LYAR: variants seen among roughly 807,000 people sequenced by gnomAD.
LYAR encodes the protein cell growth-regulating nucleolar protein.
A neutral mutation model predicts 45.2 loss-of-function variants in LYAR; 37 were observed. The observed-to-expected ratio is 0.82, with a 90% CI of 0.63 to 1.08. The LOEUF (loss-of-function observed/expected upper bound fraction) is 1.08. Ranked by LOEUF, LYAR falls within the 50% of genes least tolerant of loss-of-function variation. LYAR has a pLI of 0.00. For synonymous variants in LYAR, 176 were observed against 155.1 expected (o/e 1.14, Z -1.00); for missense variants, 493 against 451.0 (o/e 1.09, Z -0.84).
At chr4:4,287,456 T>C (rs1719661864) in intron 1 of LYAR, among the ~76,000 whole-genome samples, 1 of 152,144 alleles carries the variant, frequency 6.6e-6, no homozygotes, top group African/African-American at 2.4e-5. Flanking sequence ...TGAGCTCTCA[T>C]CACATGCCAT....
At chr4:4,273,525 A>C in intron 8 of LYAR, 58 bp downstream of exon 8, 1 of 1,258,956 alleles carries the variant, frequency 7.9e-7, no homozygotes, top group Admixed American at 1.8e-5. Context: ...AGTAGCTGGG[A>C]CTATCAGCGA....
At chr4:4,268,991 A>G (rs902454693) in intron 8 of LYAR, 1 of 165,382 alleles carries the variant, frequency 6.0e-6, no homozygotes, top group South Asian at 1.8e-4. Context: ...GACAACCACA[A>G]ACTATTATAG....
intron 8 of LYAR, among the ~76,000 whole-genome samples, chr4:4,271,992 A>G (rs895300224): frequency 2.6e-5 from 4 of 152,180 alleles, no homozygotes; most frequent in African/African-American, 9.7e-5. Flanking sequence ...AAAAGGTTAC[A>G]TACTGTATGA....
At chr4:4,284,134 G>C (rs1302788043) in intron 2 of LYAR, among the ~76,000 whole-genome samples, 1 of 152,194 alleles carries the variant, frequency 6.6e-6, no homozygotes, top group Non-Finnish European at 1.5e-5. Flanking sequence ...ACTTGCCCAA[G>C]GATACACGGT....
In LYAR at chr4:4,288,475, C is replaced by A. The variant is rs116292576; in HGVS notation, c.-108+1561G>T. ...CCTCTATATTTTTGTATTACTTATT[C>A]AATTTTTTTTCTTTTTTTTTTTTTT... On this transcript the variant is annotated intron_variant, in intron 1 of 9. Transcript: ENST00000343470. Among the ~76,000 whole-genome samples the A allele has an allele frequency of 4.6e-3, 675 of 147,196 alleles. 6 individuals carry two copies. Among genetic ancestry groups the A allele is most frequent in the African/African-American group, 0.016 (649 of 39,718 alleles).
intron 8 of LYAR, among the ~76,000 whole-genome samples, chr4:4,271,812 A>G (rs1182231338): frequency 6.6e-6 from 1 of 152,228 alleles, no homozygotes; most frequent in Non-Finnish European, 1.5e-5. Context: ...AGCTTTATTC[A>G]TTAATAACCA....
chr4:4,282,334 T>C (rs987365523), intron 3 of LYAR, among the ~76,000 whole-genome samples: 3 of 152,212 alleles, frequency 2.0e-5, no homozygotes, highest in Admixed American at 6.5e-5. Flanking sequence ...CCAACAGTTC[T>C]GGATCCCTTA....
intron 6 of LYAR, among the ~76,000 whole-genome samples, chr4:4,275,786 C>T (rs1719155537): frequency 6.6e-6 from 1 of 152,138 alleles, no homozygotes; most frequent in Non-Finnish European, 1.5e-5. Flanking sequence ...ACCTCCACCT[C>T]CCAGATTCAA....
chr4:4,268,118 AT>A (rs1483297407), intron 9 of LYAR, 95 bp from the exon 10 acceptor site: 3 of 1,221,142 alleles, frequency 2.5e-6, no homozygotes, highest in Non-Finnish European at 3.2e-6. Flanking sequence ...ACAGGAAAAA[AT>A]AAAAGAAACC....
At position 4,267,703 on chromosome 4, in the gene LYAR, T is replaced by C. The variant is rs1718768772; in HGVS notation, c.*186A>G. The C allele has an allele frequency of 4.3e-6, 2 of 470,332 alleles. No homozygotes were observed. The highest frequency in any genetic ancestry group is 4.1e-5 in the Admixed American group (1 of 24,114). 29.1% of individuals were successfully genotyped at this position (470,332 alleles called of 1,614,324 possible). ...TCAGTAATTTTTGCCACAACAAATTTAGAAGTTTGGACCAGAATATATTTT... is the reference window on the plus strand; with the variant it reads ...TCAGTAATTTTTGCCACAACAAATTCAGAAGTTTGGACCAGAATATATTTT... On this transcript the variant is annotated 3_prime_UTR_variant, in exon 10 of 10. Coordinates refer to ENST00000343470, the MANE Select transcript of LYAR (RefSeq NM_017816.3).
intron 2 of LYAR, 72 bp from the exon 3 acceptor site, chr4:4,283,867 T>C: frequency 1.6e-6 from 1 of 631,114 alleles, no homozygotes; most frequent in Non-Finnish European, 2.6e-6. Context: ...TGCCCCTAAC[T>C]TTTCAACCAT....
Position 4,267,822 on chromosome 4 carries a change from C to A in LYAR, c.*67G>T. The A allele has an allele frequency of 7.6e-7, 1 of 1,310,604 alleles. No individual in the cohort carries two copies. Among genetic ancestry groups the A allele is most frequent in the African/African-American group, 1.5e-5 (1 of 66,262 alleles). 81.2% of individuals were successfully genotyped at this position (1,310,604 alleles called of 1,614,324 possible). ...ATTTGAGTTGTTAGAATTCATTACACATTTTATAAACAGCAGTGAAAGGAA... is the reference window on the plus strand; with the variant it reads ...ATTTGAGTTGTTAGAATTCATTACAAATTTTATAAACAGCAGTGAAAGGAA... On this transcript the variant is annotated 3_prime_UTR_variant, in exon 10 of 10. Coordinates refer to ENST00000343470, the MANE Select transcript of LYAR (RefSeq NM_017816.3).
chr4:4,285,920 C>G (rs1226136302), intron 2 of LYAR, among the ~76,000 whole-genome samples: 1 of 152,216 alleles, frequency 6.6e-6, no homozygotes, highest in Non-Finnish European at 1.5e-5. Flanking sequence ...TCAAGAGTAA[C>G]TGTGCCAAAC....
chr4:4,271,813 T>C (rs2108838233), intron 8 of LYAR, among the ~76,000 whole-genome samples: 1 of 152,294 alleles, frequency 6.6e-6, no homozygotes, highest in South Asian at 2.1e-4. Flanking sequence ...GCTTTATTCA[T>C]TAATAACCAG....
At chr4:4,288,935 T>G (rs924426802) in intron 1 of LYAR, among the ~76,000 whole-genome samples, 2 of 152,226 alleles carry the variant, frequency 1.3e-5, no homozygotes, top group Non-Finnish European at 2.9e-5. Flanking sequence ...AGCATGCCAC[T>G]GCCTCTATAA....
intron 8 of LYAR, among the ~76,000 whole-genome samples, chr4:4,271,663 C>T (rs983099536): frequency 2.6e-5 from 4 of 152,210 alleles, no homozygotes; most frequent in Non-Finnish European, 5.9e-5. Flanking sequence ...TTCTCCACAT[C>T]CTCGCCAGCA....
In LYAR at chr4:4,267,867, C is replaced by T. The variant is rs201527743; in HGVS notation, c.*22G>A. 3 of 1,592,534 alleles carry T rather than the reference C, an allele frequency of 1.9e-6. No homozygotes were observed. In the African/African-American group the frequency reaches 4.1e-5, roughly 22 times the overall value. On this transcript the variant is annotated 3_prime_UTR_variant, in exon 10 of 10. Transcript: ENST00000343470. ...AAGGAAGAAGTCAGCAGAATGGATT[C>T]AATTTTTAAATACACAAATGTTCAT...
At chr4:4,279,249 C>G (rs1719303786) in intron 6 of LYAR, among the ~76,000 whole-genome samples, 198 bp downstream of exon 6, 2 of 152,126 alleles carry the variant, frequency 1.3e-5, no homozygotes, top group South Asian at 4.1e-4. Context: ...ACGAGAATTG[C>G]TTGAACCCAG....
chr4:4,268,723 C>T, intron 8 of LYAR, 108 bp from the exon 9 acceptor site: 1 of 686,130 alleles, frequency 1.5e-6, no homozygotes, highest in Non-Finnish European at 2.5e-6. Context: ...ATGAGCTAAC[C>T]CTCTAATGAA....
Sources: allele counts gnomAD v4.1 joint callset (sites outside exome capture counted in the v4.1 genomes callset), GRCh38; gene constraint gnomAD v4.1.1; transcripts MANE v1.5; gene names NCBI Gene and HGNC (gene_info 2026-07-23, HGNC 2026-07-21).